Variants in DAB1 observed in about 807,000 individuals in gnomAD.
DAB1 encodes the protein DAB adaptor protein 1.
In DAB1, 15 loss-of-function variants were observed where a neutral mutation model predicts 64.6. The observed-to-expected ratio is 0.23, with a 90% confidence interval of 0.16 to 0.36. The LOEUF (loss-of-function observed/expected upper bound fraction) is 0.36. Ranked by LOEUF, DAB1 falls within the 10% of genes least tolerant of loss-of-function variation. The pLI is 1.00. For synonymous variants in DAB1, 235 were observed against 251.9 expected, an observed-to-expected ratio of 0.93 and a Z score of 0.64; for missense variants, 596 against 706.7, an observed-to-expected ratio of 0.84 and a Z score of 1.78.
intron 2 of DAB1, among the ~76,000 whole-genome samples, chr1:57,285,362 AG>A (rs1196527537): frequency 6.6e-6 from 1 of 152,068 alleles, no homozygotes; most frequent in African/African-American, 2.4e-5. Context: ...TCTGCCTCCC[AG>A]GTTCAAGTGA....
intron 4 of DAB1, among the ~76,000 whole-genome samples, chr1:58,207,110 A>T (rs1006491965): frequency 3.9e-5 from 6 of 152,220 alleles, no homozygotes; most frequent in African/African-American, 1.2e-4. Flanking sequence ...AGTCAAGATG[A>T]GAAAACTCAG....
At chr1:58,277,133 G>A (rs529273747) in intron 4 of DAB1, among the ~76,000 whole-genome samples, 20 of 149,556 alleles carry the variant, frequency 1.3e-4, no homozygotes, top group African/African-American at 4.7e-4. Flanking sequence ...TCCGCCTCCC[G>A]GGTTCAAGCG....
chr1:57,785,192 G>GA (rs1557479621), intron 6 of DAB1, among the ~76,000 whole-genome samples: 2 of 152,098 alleles, frequency 1.3e-5, no homozygotes, highest in Admixed American at 6.5e-5. Context: ...TTACTGCTCA[G>GA]AAAAAAGATA....
intron 4 of DAB1, among the ~76,000 whole-genome samples, chr1:57,091,922 C>A (rs374064431): frequency 2.6e-4 from 40 of 152,292 alleles, no homozygotes; most frequent in East Asian, 9.7e-4. Context: ...CCGTAACTGG[C>A]CCAACTCCAT....
chr1:57,842,370 A>C (rs852790), intron 1 of DAB1, among the ~76,000 whole-genome samples: 34,012 of 152,030 alleles, frequency 0.22, 4,408 homozygotes, highest in Non-Finnish European at 0.29. Flanking sequence ...TGAGCCCTCC[A>C]AACTGTTGCA....
intron 7 of DAB1, among the ~76,000 whole-genome samples, chr1:57,525,884 T>A (rs1281423804): frequency 6.6e-6 from 1 of 152,102 alleles, no homozygotes; most frequent in Non-Finnish European, 1.5e-5. Flanking sequence ...TTTATATAGT[T>A]GATTGTTTTA....
chr1:57,371,925 T>C (rs1680529415), intron 1 of DAB1, among the ~76,000 whole-genome samples: 2 of 152,162 alleles, frequency 1.3e-5, no homozygotes, highest in East Asian at 3.9e-4. Context: ...CTACAATGCA[T>C]AGCAAAGAAC....
chr1:57,934,221 G>T (rs1199130066), intron 5 of DAB1, among the ~76,000 whole-genome samples: 1 of 152,062 alleles, frequency 6.6e-6, no homozygotes, highest in Non-Finnish European at 1.5e-5. Context: ...ACTGCGCCCG[G>T]CCCTAGTCTT....
intron 4 of DAB1, among the ~76,000 whole-genome samples, chr1:58,306,317 G>T (rs1438810245): frequency 6.6e-6 from 1 of 152,134 alleles, no homozygotes; most frequent in Admixed American, 6.5e-5. Flanking sequence ...GGTGAAATTT[G>T]GGGGAGGATA....
At chr1:57,825,034 G>A (rs866388129), downstream of DAB1, among the ~76,000 whole-genome samples, 5 of 152,162 alleles carry the variant, frequency 3.3e-5, no homozygotes, top group East Asian at 1.9e-4. Flanking sequence ...GTGATTTAAC[G>A]TCATGGCTTC....
intron 7 of DAB1, among the ~76,000 whole-genome samples, chr1:57,604,389 T>A (rs1488923703): frequency 6.7e-6 from 1 of 148,204 alleles, no homozygotes; most frequent in African/African-American, 2.5e-5. Flanking sequence ...TGAAATTTAT[T>A]GCTTGTTTTA....
upstream of DAB1, among the ~76,000 whole-genome samples, chr1:57,428,237 C>T (rs1685363962): frequency 6.6e-6 from 1 of 152,158 alleles, no homozygotes; most frequent in African/African-American, 2.4e-5. Context: ...ACAATAGTCA[C>T]CATGCTATAC....
chr1:58,100,631 C>G (rs901755158), intron 5 of DAB1, among the ~76,000 whole-genome samples: 1 of 152,108 alleles, frequency 6.6e-6, no homozygotes, highest in Non-Finnish European at 1.5e-5. Flanking sequence ...TTTTTGAGGT[C>G]CCACCAAACT....
chr1:58,506,203 C>CTAATTT (rs1423340026), exon 3 of DAB1: 1 of 867,696 alleles, frequency 1.2e-6, no homozygotes, highest in Admixed American at 1.7e-5. Context: ...CTTATGTCTG[C>CTAATTT]ACAAGCCTAA....
At chr1:57,136,787 T>A (rs1055110771) in intron 3 of DAB1, 146 bp from the exon 4 acceptor site, 4 of 439,586 alleles carry the variant, frequency 9.1e-6, no homozygotes, top group Non-Finnish European at 1.6e-5. Context: ...CTCTACTCAA[T>A]GCGGCTCACA....
At chr1:58,337,066 G>A (rs1229179377) in intron 4 of DAB1, among the ~76,000 whole-genome samples, 1 of 152,102 alleles carries the variant, frequency 6.6e-6, no homozygotes, top group Non-Finnish European at 1.5e-5. Context: ...CCAACCACCT[G>A]AGGTCAGGAG....
intron 3 of DAB1, among the ~76,000 whole-genome samples, chr1:58,459,135 A>G (rs1569827766): frequency 6.6e-6 from 1 of 152,362 alleles, no homozygotes; most frequent in Middle Eastern, 3.4e-3. Flanking sequence ...TGGAAAAGTT[A>G]AGAAGACAAA....
At chr1:58,405,109 C>G (rs1644603615) in intron 3 of DAB1, among the ~76,000 whole-genome samples, 1 of 152,178 alleles carries the variant, frequency 6.6e-6, no homozygotes, top group Non-Finnish European at 1.5e-5. Context: ...CCCAGAAACA[C>G]CCACCATCTT....
intron 2 of DAB1, among the ~76,000 whole-genome samples, chr1:57,161,685 A>G (rs1434167196): frequency 1.3e-5 from 2 of 152,032 alleles, no homozygotes; most frequent in East Asian, 1.9e-4. Flanking sequence ...TAACTTTCTA[A>G]TTACAAAGGG....
Sources: gnomAD v4.1 joint callset for allele counts (sites outside exome capture counted in the v4.1 genomes callset) on GRCh38, gnomAD v4.1.1 for gene constraint, MANE v1.5 for transcripts, NCBI Gene and HGNC (gene_info 2026-07-23, HGNC 2026-07-21) for gene names.